ADD3: variants seen among roughly 807,000 people sequenced by gnomAD.
ADD3 encodes the protein adducin 3, also known as gamma-adducin.
Under a neutral mutation model 80.2 loss-of-function variants are expected in ADD3, and 25 were observed. The ratio of observed to expected loss-of-function variants is 0.31; its 90% confidence interval spans 0.23 to 0.44. ADD3 has a LOEUF of 0.44. Among genes scored for constraint, ADD3 ranks in the 20% least tolerant of loss-of-function variants. The probability of loss-of-function intolerance (pLI) is 1.00; values close to 1 mark genes in which losing one functional copy is unlikely to be tolerated. For missense variants in ADD3, 829 were observed against 847.5 expected (o/e 0.98, Z 0.27); for synonymous variants, 284 against 289.6 (o/e 0.98, Z 0.20).
chr10:110,098,200 T>C (rs1471836670), intron 1 of ADD3, among the ~76,000 whole-genome samples: 2 of 152,200 alleles, frequency 1.3e-5, no homozygotes, highest in Non-Finnish European at 2.9e-5. Context: ...GTAGTTCTGC[T>C]TTGAAATGGT....
intron 1 of ADD3, among the ~76,000 whole-genome samples, chr10:110,030,389 CCTT>C (rs1458627483): frequency 1.3e-5 from 2 of 150,506 alleles, no homozygotes; most frequent in African/African-American, 2.4e-5. Context: ...ATTTCTGAAA[CCTT>C]CTGACAGCTG....
At chr10:110,012,025 T>C (rs886090494) in intron 1 of ADD3, among the ~76,000 whole-genome samples, 2 of 152,248 alleles carry the variant, frequency 1.3e-5, no homozygotes, top group African/African-American at 4.8e-5. Context: ...AAAAAGTGTG[T>C]TATCCCTTAG....
intron 1 of ADD3, among the ~76,000 whole-genome samples, chr10:110,089,500 A>C (rs1455627691): frequency 2.0e-5 from 3 of 152,132 alleles, no homozygotes; most frequent in Non-Finnish European, 4.4e-5. Context: ...TTTGTTTCTC[A>C]ACCATTTTCC....
At chr10:110,025,573 G>A (rs889737344) in intron 1 of ADD3, among the ~76,000 whole-genome samples, 8 of 29,132 alleles carry the variant, frequency 2.7e-4, no homozygotes, top group Non-Finnish European at 4.1e-4. Flanking sequence ...TAAAGGAGAA[G>A]CAAATAGAAA....
At chr10:110,125,111 G>A (rs1590232280) in intron 10 of ADD3, among the ~76,000 whole-genome samples, 1 of 152,088 alleles carries the variant, frequency 6.6e-6, no homozygotes, top group East Asian at 1.9e-4. Context: ...GCATCAAAAT[G>A]TCTTTTCTGT....
intron 1 of ADD3, among the ~76,000 whole-genome samples, chr10:110,063,983 T>C (rs1420071511): frequency 6.6e-6 from 1 of 151,842 alleles, no homozygotes; most frequent in East Asian, 1.9e-4. Flanking sequence ...GGATTTTATA[T>C]ACATGGAATC....
chr10:110,083,408 CGGGAGGCTGAGGCAGGAGAATGGA>C (rs1564946712), intron 1 of ADD3, among the ~76,000 whole-genome samples: 1 of 151,910 alleles, frequency 6.6e-6, no homozygotes, highest in East Asian at 1.9e-4. Context: ...CCCAGCTACT[CGGGAGGCTGAGGCAGGAGAATGGA>C]GTGAACCTGG....
chr10:110,012,799 A>G (rs1017561948), intron 1 of ADD3, among the ~76,000 whole-genome samples: 18 of 149,412 alleles, frequency 1.2e-4, no homozygotes, highest in Admixed American at 8.0e-4. Flanking sequence ...AGCTCTCACT[A>G]TGTTGCCCAG....
At chr10:110,005,473 A>C (rs2132873596), upstream of ADD3, among the ~76,000 whole-genome samples, 1 of 152,314 alleles carries the variant, frequency 6.6e-6, no homozygotes, top group South Asian at 2.1e-4. Flanking sequence ...ACTTGAATCC[A>C]TTGCTTCTAG....
At chr10:110,063,107 G>A (rs572609702) in intron 1 of ADD3, among the ~76,000 whole-genome samples, 2 of 152,044 alleles carry the variant, frequency 1.3e-5, no homozygotes, top group African/African-American at 4.8e-5. Context: ...TTTTTTTAAC[G>A]ACTAGAAGGC....
intron 1 of ADD3, among the ~76,000 whole-genome samples, chr10:110,072,287 A>C (rs1016689839): frequency 6.6e-6 from 1 of 152,024 alleles, no homozygotes; most frequent in African/African-American, 2.4e-5. Context: ...GGATGGTCTC[A>C]ATCTCCTGAT....
At chr10:110,057,601 A>AT (rs1039644898) in intron 1 of ADD3, among the ~76,000 whole-genome samples, 25 of 152,128 alleles carry the variant, frequency 1.6e-4, no homozygotes, top group Non-Finnish European at 3.4e-4. Context: ...GGGTACTGGG[A>AT]TTTTTTTAAA....
At chr10:110,129,171 C>T (rs1246789041) in intron 12 of ADD3, among the ~76,000 whole-genome samples, 3 of 134,336 alleles carry the variant, frequency 2.2e-5, no homozygotes, top group Non-Finnish European at 3.2e-5. Flanking sequence ...TTTTTTGAGA[C>T]GGAGTTTTGT....
chr10:110,092,557 C>G (rs148986947), intron 1 of ADD3, among the ~76,000 whole-genome samples: 1 of 152,016 alleles, frequency 6.6e-6, no homozygotes, highest in Non-Finnish European at 1.5e-5. Context: ...AATAGACACC[C>G]GGTCTACTTG....
chr10:110,030,245 C>A (rs1430482362), intron 1 of ADD3, among the ~76,000 whole-genome samples: 1 of 150,666 alleles, frequency 6.6e-6, no homozygotes, highest in Non-Finnish European at 1.5e-5. Flanking sequence ...ATCACTTGAA[C>A]CCAGGAGGCG....
At chr10:110,029,442 A>G (rs935377821) in intron 1 of ADD3, among the ~76,000 whole-genome samples, 14 of 152,248 alleles carry the variant, frequency 9.2e-5, no homozygotes, top group Non-Finnish European at 2.9e-5. Flanking sequence ...CATTAGCTGT[A>G]TAACAATGTG....
intron 1 of ADD3, among the ~76,000 whole-genome samples, chr10:110,065,123 C>A (rs1265058533): frequency 2.0e-5 from 3 of 152,092 alleles, no homozygotes; most frequent in African/African-American, 7.2e-5. Context: ...GTTTTAATTT[C>A]TTTCTTCCTA....
chr10:110,100,700 C>T lies in ADD3; in HGVS notation c.47C>T (p.Pro16Leu), dbSNP rs1433577549. Residue 16 changes from proline to leucine, a missense_variant, in exon 2 of 15, where the codon CCC becomes CTC. Coordinates refer to ENST00000356080, the MANE Select transcript of ADD3 (RefSeq NM_016824.5). ...SQGVITTPPP[P>L]SMPHKERYFD... is the part of the protein sequence containing the mutation. ...GGCGTGATTACCACTCCTCCTCCTC[C>T]CAGCATGCCTCACAAAGAGAGATAT... is the stretch of plus-strand genomic sequence containing the variant. The T allele has an allele frequency of 4.3e-6, 7 of 1,613,270 alleles. No individual in the cohort carries two copies. Among genetic ancestry groups the T allele is most frequent in the Non-Finnish European group, 5.9e-6 (7 of 1,179,712 alleles).
chr10:110,101,397 G>GCT (rs1848790850), intron 2 of ADD3, among the ~76,000 whole-genome samples: 1 of 152,202 alleles, frequency 6.6e-6, no homozygotes, highest in South Asian at 2.1e-4. Flanking sequence ...ACTTTGGGAA[G>GCT]CCGAGGCAGG....
Sources: allele counts gnomAD v4.1 joint callset (sites outside exome capture counted in the v4.1 genomes callset), GRCh38; gene constraint gnomAD v4.1.1; transcripts MANE v1.5; gene names NCBI Gene and HGNC (gene_info 2026-07-23, HGNC 2026-07-21).